The following CFTR variants were observed in gnomAD, a reference collection of about 807,000 sequenced individuals.
CFTR encodes CF transmembrane conductance regulator, also known as cystic fibrosis transmembrane conductance regulator.
Under a neutral mutation model 171.6 loss-of-function variants are expected in CFTR, and 181 were observed. The observed-to-expected ratio is 1.05, with a 90% confidence interval of 0.93 to 1.19. The LOEUF is 1.19. Among genes scored for constraint, CFTR ranks in the 50% most tolerant of loss-of-function variants. The probability of loss-of-function intolerance (pLI) is 0.00; values close to 1 mark genes in which losing one functional copy is unlikely to be tolerated. For synonymous variants in CFTR, 583 were observed against 608.0 expected (o/e 0.96, Z 0.60); for missense variants, 1,968 against 1,734.7 (o/e 1.13, Z -2.39).
chr7:117,512,229 G>A (rs908183694), intron 3 of CFTR, among the ~76,000 whole-genome samples: 2 of 152,156 alleles, frequency 1.3e-5, no homozygotes, highest in African/African-American at 2.4e-5. Flanking sequence ...TACTGCTGTA[G>A]TTTTAAATAT....
At chr7:117,536,792 A>G (rs556200585) in intron 7 of CFTR, 119 bp downstream of exon 7, 3 of 871,260 alleles carry the variant, frequency 3.4e-6, no homozygotes, top group East Asian at 5.4e-5. Context: ...AAATGATTGC[A>G]TTTAAGTTCT....
At chr7:117,564,859 G>A (rs930545197) in intron 11 of CFTR, 2 of 156,452 alleles carry the variant, frequency 1.3e-5, no homozygotes, top group East Asian at 3.9e-4. Context: ...ATTTCAGTTT[G>A]TTTTTGCAAA....
chr7:117,504,138 T>G (rs766392827), intron 1 of CFTR, 115 bp from the exon 2 acceptor site: 47 of 717,342 alleles, frequency 6.6e-5, no homozygotes, highest in Non-Finnish European at 1.1e-4. Context: ...TATTTTATTC[T>G]CATATTTACA....
intron 7 of CFTR, among the ~76,000 whole-genome samples, chr7:117,536,900 C>T (rs1798968459): frequency 6.6e-6 from 1 of 152,096 alleles, no homozygotes; most frequent in Non-Finnish European, 1.5e-5. Flanking sequence ...GTATATTATA[C>T]TGATACGTTA....
intron 1 of CFTR, among the ~76,000 whole-genome samples, chr7:117,489,381 T>C (rs1467462945): frequency 6.6e-6 from 1 of 152,138 alleles, no homozygotes; most frequent in African/African-American, 2.4e-5. Context: ...AAACTGTGTA[T>C]AGTTAATGTA....
At chr7:117,656,986 G>C (rs920005386) in intron 24 of CFTR, among the ~76,000 whole-genome samples, 1 of 152,044 alleles carries the variant, frequency 6.6e-6, no homozygotes, top group African/African-American at 2.4e-5. Context: ...CATTATCAAA[G>C]TTTCCTTATT....
chr7:117,504,406 T>C, intron 2 of CFTR, 43 bp downstream of exon 2: 1 of 949,714 alleles, frequency 1.1e-6, no homozygotes, highest in South Asian at 1.3e-5. Context: ...GAAATTCATA[T>C]TATTAATTAT....
chr7:117,631,155 A>G (rs1310692888), intron 22 of CFTR, among the ~76,000 whole-genome samples: 5 of 152,100 alleles, frequency 3.3e-5, no homozygotes, highest in Non-Finnish European at 7.3e-5. Flanking sequence ...TTGGATTTTG[A>G]GAGCTAAAGC....
chr7:117,655,739 G>A (rs1011391080), intron 24 of CFTR, among the ~76,000 whole-genome samples: 4 of 152,126 alleles, frequency 2.6e-5, no homozygotes, highest in Admixed American at 6.6e-5. Flanking sequence ...GCTACTACAC[G>A]ATGTCTTATA....
chr7:117,583,966 A>G (rs1412129575), intron 11 of CFTR, among the ~76,000 whole-genome samples: 2 of 151,654 alleles, frequency 1.3e-5, no homozygotes, highest in Non-Finnish European at 2.9e-5. Flanking sequence ...ATTTGTTTGT[A>G]TATCTTGAGA....
Position 117,509,071 on chromosome 7 carries a change from A to C in CFTR, c.202A>C (p.Lys68Gln). 1 of 1,612,996 alleles carries C rather than the reference A, an allele frequency of 6.2e-7. No homozygotes were observed. The highest frequency in any genetic ancestry group is 8.5e-7 in the Non-Finnish European group (1 of 1,179,254). The change falls in exon 3 of 27, where the codon AAA becomes CAA. Residue 68 changes from lysine (K) to glutamine (Q), a missense_variant. Physicochemically the swap from Lys to Gln is moderately conservative, Grantham distance 53. Transcript: ENST00000003084. ...DRELASKKNPKLINALRRCFF... is the reference protein window; with the variant it reads ...DRELASKKNPQLINALRRCFF... ...AGAGCTGGCTTCAAAGAAAAATCCT[A>C]AACTCATTAATGCCCTTCGGCGATG...
Position 117,602,820 on chromosome 7 carries a change from T to C in CFTR, c.2620-6T>C, listed in dbSNP as rs371315682. Reference sequence around the variant, plus strand: ...AAAAAATCAACTGTGTCTTGTTCCATTCCAGGTGGCTGCTTCTTTGGTTGT... The same window carrying C: ...AAAAAATCAACTGTGTCTTGTTCCACTCCAGGTGGCTGCTTCTTTGGTTGT... On this transcript the variant is annotated splice_region_variant and splice_polypyrimidine_tract_variant and intron_variant, in intron 15 of 26. Coordinates refer to ENST00000003084, the MANE Select transcript of CFTR (RefSeq NM_000492.4). 479 of 1,613,634 alleles carry C rather than the reference T, an allele frequency of 3.0e-4. No individual in the cohort carries two copies. Among genetic ancestry groups the C allele is most frequent in the Non-Finnish European group, 2.1e-4 (247 of 1,179,628 alleles).
At chr7:117,493,804 A>G (rs1287770709) in intron 1 of CFTR, among the ~76,000 whole-genome samples, 1 of 152,124 alleles carries the variant, frequency 6.6e-6, no homozygotes, top group East Asian at 1.9e-4. Context: ...TTAAAATGCC[A>G]CCAAGAACCC....
intron 1 of CFTR, among the ~76,000 whole-genome samples, chr7:117,500,278 C>CTTTTTTTT (rs745627454): frequency 3.1e-4 from 24 of 76,480 alleles, no homozygotes; most frequent in East Asian, 5.7e-4. Context: ...TTCTTCCTTT[C>CTTTTTTTT]TTTTTTTTTT....
rs756206533 is a variant in CFTR at position 117,559,491 on chromosome 7, G to C, written c.1420G>C (p.Glu474Gln). The C allele has an allele frequency of 2.5e-6, 4 of 1,609,534 alleles. No individual in the cohort carries two copies. The South Asian group carries it at 4.4e-5, about 18-fold the overall frequency. Residue 474 changes from glutamate to glutamine, a missense_variant, in exon 11 of 27, where the codon GAA (glutamate) becomes CAA (glutamine). By Grantham distance (29) the Glu-to-Gln change is conservative. Coordinates refer to ENST00000003084, the MANE Select transcript of CFTR (RefSeq NM_000492.4). Reference protein sequence around the residue: ...KTSLLMVIMGELEPSEGKIKH... With the variant: ...KTSLLMVIMGQLEPSEGKIKH... ...TTCACTTCTAATGGTGATTATGGGA[G>C]AACTGGAGCCTTCAGAGGGTAAAAT... is the stretch of plus-strand genomic sequence containing the variant.
intron 3 of CFTR, among the ~76,000 whole-genome samples, chr7:117,529,613 A>C (rs569173898): frequency 1.3e-5 from 2 of 152,152 alleles, no homozygotes; most frequent in African/African-American, 4.8e-5. Flanking sequence ...GCACAGAATG[A>C]GCAGCTACAC....
At position 117,548,797 on chromosome 7, in the gene CFTR, G is replaced by A; in HGVS notation, c.1366G>A (p.Val456Ile). Residue 456 changes from valine (V) to isoleucine (I), a missense_variant, in exon 10 of 27, where the codon GTT becomes ATT. Transcript: ENST00000003084. Reference sequence around the variant, plus strand: ...GATAGAAAGAGGACAGTTGTTGGCGGTTGCTGGATCCACTGGAGCAGGCAA... The same window carrying A: ...GATAGAAAGAGGACAGTTGTTGGCGATTGCTGGATCCACTGGAGCAGGCAA... ...FKIERGQLLAVAGSTGAGKTS... is the reference protein window; with the variant it reads ...FKIERGQLLAIAGSTGAGKTS... 1.9e-6 allele frequency: 3 copies of A among 1,610,886 alleles called. No individual in the cohort carries two copies. Among genetic ancestry groups the A allele is most frequent in the Non-Finnish European group, 2.5e-6 (3 of 1,178,106 alleles).
chr7:117,592,722 A>G, intron 14 of CFTR, 65 bp downstream of exon 14: 4 of 1,339,230 alleles, frequency 3.0e-6, no homozygotes, highest in Non-Finnish European at 3.9e-6. Context: ...TGCAATATGT[A>G]GCATGTAACA....
chr7:117,578,595 T>C (rs1375325365), intron 11 of CFTR, among the ~76,000 whole-genome samples: 2 of 152,094 alleles, frequency 1.3e-5, no homozygotes, highest in Non-Finnish European at 2.9e-5. Flanking sequence ...TCAGTTGTAA[T>C]TGGTATTTTG....
Sources: allele counts gnomAD v4.1 joint callset (sites outside exome capture counted in the v4.1 genomes callset), GRCh38; gene constraint gnomAD v4.1.1; transcripts MANE v1.5; gene names NCBI Gene and HGNC (gene_info 2026-07-23, HGNC 2026-07-21).